Variants in JAK2 observed in about 807,000 individuals in gnomAD.
JAK2 encodes the protein tyrosine-protein kinase JAK2.
In JAK2, 86 loss-of-function variants were observed where a neutral mutation model predicts 139.3. The ratio of observed to expected loss-of-function variants is 0.62; its 90% CI spans 0.52 to 0.74. JAK2 has a LOEUF of 0.74. Among genes scored for constraint, JAK2 ranks in the 30% least tolerant of loss-of-function variants. The pLI, the probability that JAK2 is intolerant of heterozygous loss-of-function variation, is 0.00. For missense variants in JAK2, 1,421 were observed against 1,360.3 expected (o/e 1.04, Z -0.70); for synonymous variants, 490 against 437.7 (o/e 1.12, Z -1.49).
intron 10 of JAK2, among the ~76,000 whole-genome samples, chr9:5,068,796 C>G (rs990815236): frequency 2.0e-5 from 3 of 152,174 alleles, no homozygotes; most frequent in Non-Finnish European, 2.9e-5. Context: ...TGCCTTCTTA[C>G]ATGCTTTTTC....
At position 5,004,752 on chromosome 9, in the gene JAK2, T is replaced by C. The variant is rs544357821; in HGVS notation, c.-25-17211T>C. Among the ~76,000 whole-genome samples the C allele has an allele frequency of 2.0e-5, 3 of 152,300 alleles. No individual in the cohort carries two copies. In the South Asian group the frequency reaches 6.2e-4, roughly 32 times the overall value. The stretch of plus-strand genomic sequence containing the variant: ...AATTTACATTTTCCCACCAAGAGTA[T>C]ACAAGAGTTTCTTTTTCTCCACACA... On this transcript the variant is annotated intron_variant, in intron 2 of 24. Coordinates refer to ENST00000381652, the MANE Select transcript of JAK2 (RefSeq NM_004972.4).
chr9:5,086,144 C>G (rs1384911411), intron 19 of JAK2: 2 of 387,970 alleles, frequency 5.2e-6, no homozygotes, highest in Non-Finnish European at 8.6e-6. Flanking sequence ...GGCGGCCCCG[C>G]AAGGCTCGGG....
In JAK2 at chr9:5,040,602, T is replaced by C. The variant is rs372660279; in HGVS notation, c.351-3801T>C. Among the ~76,000 whole-genome samples the C allele has an allele frequency of 4.0e-3, 610 of 152,346 alleles. 4 individuals are homozygous for C. The highest frequency in any genetic ancestry group is 0.014 in the African/African-American group (595 of 41,588). On this transcript the variant is annotated intron_variant, in intron 4 of 24. Coordinates refer to ENST00000381652, the MANE Select transcript of JAK2 (RefSeq NM_004972.4). ...TCTTATCTCCAGAATATAAAAGAATTCTTACAGCTCAACAAGACAATGACA... is the reference window on the plus strand; with the variant it reads ...TCTTATCTCCAGAATATAAAAGAATCCTTACAGCTCAACAAGACAATGACA...
chr9:5,071,648 G>A (rs2130540144), intron 12 of JAK2, among the ~76,000 whole-genome samples: 1 of 152,272 alleles, frequency 6.6e-6, no homozygotes, highest in African/African-American at 2.4e-5. Flanking sequence ...TTATATGAAA[G>A]AGGGATTAAG....
intron 3 of JAK2, among the ~76,000 whole-genome samples, chr9:5,028,063 A>C (rs1017510986): frequency 6.6e-6 from 1 of 152,196 alleles, no homozygotes; most frequent in African/African-American, 2.4e-5. Flanking sequence ...CTCTTTCCAT[A>C]AGTTTTTTTA....
Position 5,027,230 on chromosome 9 carries a change from G to T in JAK2, c.227-2553G>T, listed in dbSNP as rs555342792. Reference sequence around the variant, plus strand: ...CACACCTCGGAGATATTGTGGGTTTGGTTCCAGACTATCGCAGTGAAGCAA... The same window carrying T: ...CACACCTCGGAGATATTGTGGGTTTTGTTCCAGACTATCGCAGTGAAGCAA... On this transcript the variant is annotated intron_variant, in intron 3 of 24. Transcript: ENST00000381652. Among the ~76,000 whole-genome samples, 8 of 152,280 alleles carry T rather than the reference G, an allele frequency of 5.3e-5. 1 individual carries two copies. The highest frequency in any genetic ancestry group is 5.2e-4 in the Admixed American group (8 of 15,292).
intron 6 of JAK2, among the ~76,000 whole-genome samples, chr9:5,052,674 C>A (rs1023994797): frequency 6.6e-6 from 1 of 152,058 alleles, no homozygotes; most frequent in Non-Finnish European, 1.5e-5. Context: ...CCTCTGGAAA[C>A]CACTTATCTT....
At chr9:5,026,177 T>G (rs1822772312) in intron 3 of JAK2, among the ~76,000 whole-genome samples, 3 of 152,244 alleles carry the variant, frequency 2.0e-5, no homozygotes. Context: ...TTTGCTCTTA[T>G]TTTCTAATAT....
Position 5,009,776 on chromosome 9 carries a change from T to A in JAK2, c.-25-12187T>A, listed in dbSNP as rs532318807. Among the ~76,000 whole-genome samples the A allele has an allele frequency of 1.2e-4, 18 of 145,742 alleles. No homozygotes were observed. In the East Asian group the frequency reaches 2.9e-3, roughly 24 times the overall value. On this transcript the variant is annotated intron_variant, in intron 2 of 24. Coordinates refer to ENST00000381652, the MANE Select transcript of JAK2 (RefSeq NM_004972.4). ...GTGTATTTTTTTTCTTCAGTTAAAA[T>A]TTTTTTTTTTTGCAGTCACAGTCTT...
chr9:5,064,748 T>C (rs764571955), intron 8 of JAK2, 135 bp from the exon 9 acceptor site: 7 of 530,344 alleles, frequency 1.3e-5, no homozygotes, highest in East Asian at 6.2e-5. Flanking sequence ...GTAATTCATA[T>C]TGAGTACTGA....
At chr9:5,068,549 A>G (rs945673534) in intron 10 of JAK2, among the ~76,000 whole-genome samples, 1 of 152,210 alleles carries the variant, frequency 6.6e-6, no homozygotes, top group Non-Finnish European at 1.5e-5. Context: ...ATTCTTAGGT[A>G]GAAAGATAGC....
intron 2 of JAK2, among the ~76,000 whole-genome samples, chr9:5,013,349 A>G (rs1329693721): frequency 6.6e-6 from 1 of 152,278 alleles, no homozygotes; most frequent in Non-Finnish European, 1.5e-5. Flanking sequence ...TACTTGGACT[A>G]TAAAATTTTG....
At position 5,054,709 on chromosome 9, in the gene JAK2, A is replaced by G; in HGVS notation, c.761A>G (p.Tyr254Cys). The G allele has an allele frequency of 1.2e-6, 2 of 1,613,388 alleles. No homozygotes were observed. Among genetic ancestry groups the G allele is most frequent in the Non-Finnish European group, 1.7e-6 (2 of 1,179,456 alleles). ...ACTGCCAGAAACTTGAAACTTAAGTATCTTATAAATCTGGAAACTCTGCAG... is the reference window on the plus strand; with the variant it reads ...ACTGCCAGAAACTTGAAACTTAAGTGTCTTATAAATCTGGAAACTCTGCAG... ...KATARNLKLK[Y>C]LINLETLQSA... Residue 254 changes from tyrosine to cysteine, a missense_variant, in exon 7 of 25, where the codon TAT becomes TGT. Tyr to Cys is a radical substitution (Grantham distance 194). Transcript: ENST00000381652. The surrounding 1 kb of genome is among the most constrained non-coding windows in gnomAD (Gnocchi z 4.9).
intron 22 of JAK2, chr9:5,114,301 G>A (rs928596481): frequency 3.7e-6 from 2 of 542,380 alleles, no homozygotes; most frequent in Non-Finnish European, 3.6e-6. Flanking sequence ...AAGCTGACTT[G>A]GTCCCAGGCC....
intron 22 of JAK2, among the ~76,000 whole-genome samples, chr9:5,121,645 A>G (rs1453620811): frequency 6.6e-6 from 1 of 152,192 alleles, no homozygotes; most frequent in Admixed American, 6.5e-5. Flanking sequence ...GAGGCTTTGA[A>G]GCAAGAGATT....
chr9:4,986,941 G>C (rs1318804807), intron 2 of JAK2, among the ~76,000 whole-genome samples: 1 of 152,196 alleles, frequency 6.6e-6, no homozygotes, highest in Non-Finnish European at 1.5e-5. Context: ...GATAAGGGAT[G>C]ATCAGCTTGT....
At chr9:5,056,180 A>C (rs1377810080) in intron 8 of JAK2, among the ~76,000 whole-genome samples, 1 of 152,100 alleles carries the variant, frequency 6.6e-6, no homozygotes, top group Non-Finnish European at 1.5e-5. Context: ...TAAATCAATG[A>C]TGTCTGGAAT....
At position 4,986,190 on chromosome 9, in the gene JAK2, T is replaced by C. The variant is rs182508118; in HGVS notation, c.-26+168T>C. On this transcript the variant is annotated intron_variant, in intron 2 of 24. Transcript: ENST00000381652. Reference sequence around the variant, plus strand: ...TAATGTTGATCTGGGAGAGTAATTTTGGGGTGTTTTGTTGTTCGTCTTGGA... The same window carrying C: ...TAATGTTGATCTGGGAGAGTAATTTCGGGGTGTTTTGTTGTTCGTCTTGGA... Among the ~76,000 whole-genome samples the C allele has an allele frequency of 1.6e-4, 25 of 152,338 alleles. No individual in the cohort carries two copies. The East Asian group carries it at 4.0e-3, about 25-fold the overall frequency.
intron 19 of JAK2, among the ~76,000 whole-genome samples, chr9:5,086,923 T>C (rs1405468424): frequency 6.6e-6 from 1 of 152,220 alleles, no homozygotes; most frequent in Non-Finnish European, 1.5e-5. Context: ...TCCACAATTA[T>C]ATCACCCCCC....
Sources: allele counts gnomAD v4.1 joint callset (sites outside exome capture counted in the v4.1 genomes callset), GRCh38; gene constraint gnomAD v4.1.1; non-coding constraint Gnocchi (gnomAD v3.1); transcripts MANE v1.5; gene names NCBI Gene and HGNC (gene_info 2026-07-23, HGNC 2026-07-21).